Variants in MYO10 observed in about 807,000 individuals in gnomAD.
The protein encoded by MYO10 is myosin X.
Under a neutral mutation model 257.3 loss-of-function variants are expected in MYO10, and 133 were observed. The ratio of observed to expected loss-of-function variants is 0.52; its 90% CI spans 0.45 to 0.60. The LOEUF (loss-of-function observed/expected upper bound fraction) is 0.60, where lower values mean the gene tolerates loss of function less well. Among genes scored for constraint, MYO10 ranks in the 20% least tolerant of loss-of-function variants. MYO10 has a pLI of 0.00. For missense variants in MYO10, 2,399 were observed against 2,635.7 expected, an observed-to-expected ratio of 0.91 and a Z score of 1.97; for synonymous variants, 1,104 against 1,028.6, an observed-to-expected ratio of 1.07 and a Z score of -1.40.
At chr5:16,726,550 G>A (rs977449690) in intron 19 of MYO10, among the ~76,000 whole-genome samples, 1 of 152,154 alleles carries the variant, frequency 6.6e-6, no homozygotes, top group African/African-American at 2.4e-5. Flanking sequence ...ACACAGCTGA[G>A]CTTCAAATCC....
intron 17 of MYO10, among the ~76,000 whole-genome samples, chr5:16,760,825 T>C (rs1334725673): frequency 1.3e-5 from 2 of 152,074 alleles, no homozygotes; most frequent in Non-Finnish European, 2.9e-5. Context: ...TTGAGAGGTC[T>C]TGGGGAAGTC....
At chr5:16,783,031 T>C (rs532706503) in intron 5 of MYO10, among the ~76,000 whole-genome samples, 1 of 152,280 alleles carries the variant, frequency 6.6e-6, no homozygotes, top group African/African-American at 2.4e-5. Context: ...ACAAGTGCCT[T>C]ATCTGATGCA....
intron 38 of MYO10, 65 bp from the exon 39 acceptor site, chr5:16,671,043 C>T: frequency 7.2e-7 from 1 of 1,393,176 alleles, no homozygotes; most frequent in Non-Finnish European, 9.8e-7. Context: ...GCCCACGTCG[C>T]TTGCTCCCTC....
At chr5:16,785,489 C>T (rs1348372870) in intron 4 of MYO10, among the ~76,000 whole-genome samples, 3 of 152,198 alleles carry the variant, frequency 2.0e-5, no homozygotes, top group Admixed American at 6.5e-5. Context: ...AATGGTGAGG[C>T]CGAAACAATG....
chr5:16,766,604 G>A (rs1049509149), intron 10 of MYO10, among the ~76,000 whole-genome samples: 1 of 151,694 alleles, frequency 6.6e-6, no homozygotes, highest in Non-Finnish European at 1.5e-5. Context: ...TAATTTTTTT[G>A]CATATTTAGT....
chr5:16,744,906 A>G (rs1387950757), intron 19 of MYO10, among the ~76,000 whole-genome samples: 1 of 152,204 alleles, frequency 6.6e-6, no homozygotes, highest in Non-Finnish European at 1.5e-5. Context: ...GAGCAGGAAA[A>G]TGTATTCTTA....
intron 19 of MYO10, among the ~76,000 whole-genome samples, chr5:16,714,942 T>C (rs1397274835): frequency 3.9e-5 from 6 of 152,326 alleles, no homozygotes; most frequent in African/African-American, 1.4e-4. Flanking sequence ...GATAATTTAG[T>C]TGCATATTTA....
intron 32 of MYO10, among the ~76,000 whole-genome samples, chr5:16,680,471 C>T (rs533333188): frequency 6.6e-6 from 1 of 152,228 alleles, no homozygotes; most frequent in South Asian, 2.1e-4. Context: ...TTCTTACTTC[C>T]TATTTCTTCC....
Position 16,701,205 on chromosome 5 carries a change from G to A in MYO10, c.3190C>T (p.His1064Tyr). Residue 1064 changes from histidine to tyrosine, a missense_variant, in exon 25 of 41, where the codon CAC becomes TAC. By Grantham distance (83) the His-to-Tyr change is moderately conservative. Coordinates refer to ENST00000513610, the MANE Select transcript of MYO10 (RefSeq NM_012334.3). The surrounding 1 kb of genome is among the most constrained non-coding windows in gnomAD (Gnocchi z 8.1). ...APSVQDSGSL[H>Y]NSSSGESTYC... is the part of the protein sequence containing the mutation. ...GTGGACTCGCCGCTGGAGGAGTTGT[G>A]TAGGCTCCCGGAGTCCTGCACTGAT... 1 of 1,611,152 alleles carries A rather than the reference G, an allele frequency of 6.2e-7. No homozygotes were observed. The highest frequency in any genetic ancestry group is 8.5e-7 in the Non-Finnish European group (1 of 1,178,714).
At chr5:16,742,490 G>A (rs1258996949) in intron 19 of MYO10, among the ~76,000 whole-genome samples, 1 of 152,180 alleles carries the variant, frequency 6.6e-6, no homozygotes, top group Non-Finnish European at 1.5e-5. Context: ...CCAGGTGCAG[G>A]AGACAGTCAA....
intron 3 of MYO10, among the ~76,000 whole-genome samples, chr5:16,796,274 GGAAA>G (rs980756260): frequency 1.2e-3 from 165 of 133,814 alleles, no homozygotes; most frequent in African/African-American, 3.7e-3. Flanking sequence ...AAAGAAAGAA[GGAAA>G]GAAAGAAAGA....
At chr5:16,913,425 C>T (rs1294890589) in intron 1 of MYO10, among the ~76,000 whole-genome samples, 1 of 152,192 alleles carries the variant, frequency 6.6e-6, no homozygotes, top group South Asian at 2.1e-4. Flanking sequence ...CTTGTATATA[C>T]GTGTATGGCT....
intron 2 of MYO10, among the ~76,000 whole-genome samples, chr5:16,859,100 G>A (rs1744042123): frequency 6.6e-6 from 1 of 152,206 alleles, no homozygotes; most frequent in East Asian, 1.9e-4. Flanking sequence ...TTAAGCCAAG[G>A]AGGGCAGGGG....
intron 27 of MYO10, among the ~76,000 whole-genome samples, chr5:16,691,351 T>C (rs1737493029): frequency 6.7e-6 from 1 of 148,272 alleles, no homozygotes; most frequent in African/African-American, 2.5e-5. Context: ...GGTTAGAAAA[T>C]AAGTATTATC....
At chr5:16,807,707 T>G (rs1742320369) in intron 3 of MYO10, among the ~76,000 whole-genome samples, 1 of 152,158 alleles carries the variant, frequency 6.6e-6, no homozygotes, top group African/African-American at 2.4e-5. Context: ...GATGATCTGC[T>G]GCCAGGACAG....
At chr5:16,910,454 T>C (rs1190949663) in intron 1 of MYO10, among the ~76,000 whole-genome samples, 1 of 152,174 alleles carries the variant, frequency 6.6e-6, no homozygotes, top group Non-Finnish European at 1.5e-5. Flanking sequence ...GTGACATCTA[T>C]AAAATGGGAA....
chr5:16,821,471 T>C lies in MYO10; in HGVS notation c.121-3304A>G, dbSNP rs1178810064. 5.0e-4 allele frequency among the ~76,000 whole-genome samples: 17 copies of C among 34,108 alleles called. 2 individuals are homozygous for C. The highest frequency in any genetic ancestry group is 1.2e-3 in the African/African-American group (17 of 14,166). The allele number at this position is 34,108 out of a possible 152,430, so 22.4% of individuals were successfully genotyped here. On this transcript the variant is annotated intron_variant, in intron 2 of 40. Coordinates refer to ENST00000513610, the MANE Select transcript of MYO10 (RefSeq NM_012334.3). ...TTTTTTTTTTTTTTTTTTTTTTTTT[T>C]TTTTTTTTTTTTTGAGACGGAGTCT... is the stretch of plus-strand genomic sequence containing the variant.
At position 16,701,085 on chromosome 5, in the gene MYO10, C is replaced by A; in HGVS notation, c.3310G>T (p.Gly1104Cys). The stretch of plus-strand genomic sequence containing the variant: ...GAGTTGGAGAAGGTCACGCTGCTGC[C>A]GGAAGTGATGGCACCGTCCTCATAG... ...DDYEDGAITS[G>C]SSVTFSNSYG... The change falls in exon 25 of 41, where the codon GGC becomes TGC. Residue 1104 changes from glycine (G) to cysteine (C), a missense_variant. Gly to Cys is a radical substitution (Grantham distance 159). Around this residue, in one of 3 missense-constraint regions of MYO10, gnomAD observed 1,820 missense variants for 1,939.4 expected, o/e 0.94. Transcript: ENST00000513610. The surrounding 1 kb of genome is among the most constrained non-coding windows in gnomAD (Gnocchi z 8.1). 5.7e-6 allele frequency: 9 copies of A among 1,581,494 alleles called. No individual in the cohort carries two copies. Among genetic ancestry groups the A allele is most frequent in the Non-Finnish European group, 7.7e-6 (9 of 1,164,496 alleles).
At chr5:16,725,512 A>G (rs75468964) in intron 19 of MYO10, among the ~76,000 whole-genome samples, 3,364 of 152,266 alleles carry the variant, frequency 0.022, 136 homozygotes, top group African/African-American at 0.077. Context: ...CTTAATCTTT[A>G]CAACTACTCT....
Sources: allele counts gnomAD v4.1 joint callset (sites outside exome capture counted in the v4.1 genomes callset), GRCh38; gene constraint gnomAD v4.1.1; regional missense constraint gnomAD v4.1.1; non-coding constraint Gnocchi (gnomAD v3.1); transcripts MANE v1.5; gene names NCBI Gene and HGNC (gene_info 2026-07-23, HGNC 2026-07-21).